The following STPG1 variants were observed in gnomAD, a reference collection of about 807,000 sequenced individuals.
STPG1 encodes sperm tail PG-rich repeat containing 1.
A neutral mutation model predicts 40.1 loss-of-function variants in STPG1; 33 were observed. The observed-to-expected ratio is 0.82, with a 90% CI of 0.62 to 1.10. The LOEUF (loss-of-function observed/expected upper bound fraction) is 1.10, where lower values mean the gene tolerates loss of function less well. Among genes scored for constraint, STPG1 ranks in the 50% least tolerant of loss-of-function variants. The probability of loss-of-function intolerance (pLI) is 0.00; values close to 1 mark genes in which losing one functional copy is unlikely to be tolerated. For missense variants in STPG1, 396 were observed against 415.1 expected (o/e 0.95, Z 0.40); for synonymous variants, 150 against 155.0 (o/e 0.97, Z 0.24).
At chr1:24,364,278 T>C in intron 7 of STPG1, 1 of 1,548,886 alleles carries the variant, frequency 6.5e-7, no homozygotes, top group Non-Finnish European at 8.7e-7. Flanking sequence ...GGAACATGGG[T>C]TTTGGAGATG....
At chr1:24,389,777 A>ACTAGG (rs1437965971) in intron 3 of STPG1, among the ~76,000 whole-genome samples, 3 of 152,234 alleles carry the variant, frequency 2.0e-5, no homozygotes, top group Non-Finnish European at 4.4e-5. Flanking sequence ...AAAATGGGAA[A>ACTAGG]GAGCCAAACA....
chr1:24,361,387 A>G (rs1002193114), intron 7 of STPG1, among the ~76,000 whole-genome samples: 4 of 152,096 alleles, frequency 2.6e-5, no homozygotes, highest in African/African-American at 7.2e-5. Flanking sequence ...GGCCGTGTAT[A>G]TCTCATGTGC....
intron 1 of STPG1, among the ~76,000 whole-genome samples, chr1:24,404,015 C>T (rs968227330): frequency 6.6e-6 from 1 of 152,064 alleles, no homozygotes; most frequent in East Asian, 1.9e-4. Context: ...ACATCTTTGT[C>T]TTGTTACTGG....
At chr1:24,380,426 A>C (rs767358227) in intron 4 of STPG1, among the ~76,000 whole-genome samples, 1 of 152,200 alleles carries the variant, frequency 6.6e-6, no homozygotes, top group Non-Finnish European at 1.5e-5. Context: ...AAACAGAATC[A>C]ATGTTTGTCA....
chr1:24,376,147 A>C (rs1642013592), intron 5 of STPG1, among the ~76,000 whole-genome samples: 1 of 152,082 alleles, frequency 6.6e-6, no homozygotes, highest in Non-Finnish European at 1.5e-5. Context: ...CAGCCTCCCG[A>C]GTAGCTGGGA....
At chr1:24,380,011 C>G (rs1373656661) in intron 4 of STPG1, among the ~76,000 whole-genome samples, 188 bp from the exon 5 acceptor site, 1 of 152,170 alleles carries the variant, frequency 6.6e-6, no homozygotes, top group African/African-American at 2.4e-5. Flanking sequence ...AAGTTCAGAC[C>G]TGTACTCGCT....
At chr1:24,414,921 G>T (rs1243008125), upstream of STPG1, 1 of 152,150 alleles carries the variant, frequency 6.6e-6, no homozygotes, top group African/African-American at 2.4e-5. Context: ...CAGCCCTGCT[G>T]GCCTTCGGGC....
intron 3 of STPG1, among the ~76,000 whole-genome samples, chr1:24,386,805 C>A (rs1642524270): frequency 6.6e-6 from 1 of 152,170 alleles, no homozygotes; most frequent in African/African-American, 2.4e-5. Flanking sequence ...CTTAGCCACT[C>A]CTTGGTTTCT....
chr1:24,402,756 A>C (rs1041224132), intron 1 of STPG1, among the ~76,000 whole-genome samples: 2,068 of 147,880 alleles, frequency 0.014, 47 homozygotes, highest in African/African-American at 0.047. Flanking sequence ...AAAAAAAAAA[A>C]ACAAAAAAAA....
At chr1:24,366,649 C>G (rs922460157) in intron 7 of STPG1, among the ~76,000 whole-genome samples, 1 of 152,192 alleles carries the variant, frequency 6.6e-6, no homozygotes, top group African/African-American at 2.4e-5. Context: ...TCCAGGCTGG[C>G]TCCACGTTCG....
chr1:24,382,219 C>T (rs770147365), intron 4 of STPG1, among the ~76,000 whole-genome samples: 29 of 152,164 alleles, frequency 1.9e-4, no homozygotes, highest in Non-Finnish European at 3.1e-4. Context: ...GACAACCAAT[C>T]GTGTCCTCTG....
intron 1 of STPG1, among the ~76,000 whole-genome samples, 171 bp from the exon 2 acceptor site, chr1:24,401,627 G>A (rs1408940977): frequency 6.6e-6 from 1 of 152,236 alleles, no homozygotes; most frequent in Non-Finnish European, 1.5e-5. Context: ...GCTGCCTGCA[G>A]TAGGAACTGC....
intron 3 of STPG1, among the ~76,000 whole-genome samples, chr1:24,388,173 C>T (rs1221081814): frequency 6.6e-6 from 1 of 152,076 alleles, no homozygotes; most frequent in African/African-American, 2.4e-5. Context: ...CCTATTACAA[C>T]ATCTTTATTT....
At position 24,374,385 on chromosome 1, in the gene STPG1, A is replaced by G. The variant is rs983869827; in HGVS notation, c.463-575T>C. 2.0e-5 allele frequency among the ~76,000 whole-genome samples: 3 copies of G among 146,826 alleles called. No homozygotes were observed. The Admixed American group carries it at 2.1e-4, about 10-fold the overall frequency. On this transcript the variant is annotated intron_variant, in intron 5 of 8. Coordinates refer to ENST00000337248, the MANE Select transcript of STPG1 (RefSeq NM_001199013.2). ...GCCATTCTCCTGCCTCAGCCTCCGG[A>G]GTAGCTGGGACTATAGGTGCCTACC...
intron 1 of STPG1, among the ~76,000 whole-genome samples, chr1:24,403,509 T>C (rs543763095): frequency 8.5e-5 from 13 of 152,248 alleles, no homozygotes; most frequent in African/African-American, 2.9e-4. Context: ...CCTCCCTGGA[T>C]TTTGATTGAG....
At chr1:24,377,246 C>T (rs1329242204) in intron 5 of STPG1, among the ~76,000 whole-genome samples, 1 of 152,110 alleles carries the variant, frequency 6.6e-6, no homozygotes, top group African/African-American at 2.4e-5. Flanking sequence ...CAGAGCAAGA[C>T]TCCATCTAAA....
rs527862846 is a variant in STPG1, at chr1:24,383,312, T to C, written c.291+590A>G. ...CCATTTATCTATTTTGCTGTATCTA[T>C]TTTTCTTGACAATGTATAAACATTT... On this transcript the variant is annotated intron_variant, in intron 4 of 8. Coordinates refer to ENST00000337248, the MANE Select transcript of STPG1 (RefSeq NM_001199013.2). 3.9e-5 allele frequency among the ~76,000 whole-genome samples: 6 copies of C among 152,330 alleles called. No individual in the cohort carries two copies. In the South Asian group the frequency reaches 8.3e-4, roughly 21 times the overall value.
intron 5 of STPG1, among the ~76,000 whole-genome samples, chr1:24,378,221 A>G (rs929540253): frequency 6.6e-6 from 1 of 152,336 alleles, no homozygotes. Context: ...CTCAAATATA[A>G]AATTCATAAC....
At chr1:24,358,775 G>C (rs1436458176) in intron 8 of STPG1, among the ~76,000 whole-genome samples, 156 bp from the exon 9 acceptor site, 1 of 152,160 alleles carries the variant, frequency 6.6e-6, no homozygotes, top group African/African-American at 2.4e-5. Context: ...CTGGCCCGAG[G>C]TTATTTGGCT....
Sources: allele counts gnomAD v4.1 joint callset (sites outside exome capture counted in the v4.1 genomes callset), GRCh38; gene constraint gnomAD v4.1.1; transcripts MANE v1.5; gene names NCBI Gene and HGNC (gene_info 2026-07-23, HGNC 2026-07-21).